KALRN: variants seen among roughly 807,000 people sequenced by gnomAD.
KALRN encodes kalirin RhoGEF kinase.
Under a neutral mutation model 353.7 loss-of-function variants are expected in KALRN, and 70 were observed. The observed-to-expected ratio is 0.20, with a 90% CI of 0.16 to 0.24. The LOEUF (loss-of-function observed/expected upper bound fraction) is 0.24. Among genes scored for constraint, KALRN ranks in the 10% least tolerant of loss-of-function variants. KALRN has a pLI of 1.00. For synonymous variants in KALRN, 1,391 were observed against 1,434.8 expected, an observed-to-expected ratio of 0.97 and a Z score of 0.69; for missense variants, 2,791 against 3,756.7, an observed-to-expected ratio of 0.74 and a Z score of 6.72.
At chr3:124,612,578 CTG>C (rs1185668833) in intron 34 of KALRN, among the ~76,000 whole-genome samples, 3 of 152,202 alleles carry the variant, frequency 2.0e-5, no homozygotes, top group Non-Finnish European at 4.4e-5. Context: ...CTCAGGTGAT[CTG>C]CCCGCCTCAT....
At chr3:124,266,779 A>G (rs1456729350) in intron 4 of KALRN, among the ~76,000 whole-genome samples, 2 of 152,240 alleles carry the variant, frequency 1.3e-5, no homozygotes, top group African/African-American at 2.4e-5. Context: ...TTGGCTTGGT[A>G]TAAAAACAGT....
intron 34 of KALRN, among the ~76,000 whole-genome samples, chr3:124,615,214 G>A (rs80177467): frequency 0.012 from 1,834 of 152,038 alleles, 63 homozygotes; most frequent in Admixed American, 0.049. Context: ...ATCATTTTTG[G>A]GATATTCCTA....
intron 58 of KALRN, among the ~76,000 whole-genome samples, chr3:124,715,661 G>C (rs1242155917): frequency 6.6e-6 from 1 of 152,238 alleles, no homozygotes; most frequent in African/African-American, 2.4e-5. Context: ...GTGGGAAGGA[G>C]CAAGCTAGAG....
intron 33 of KALRN, among the ~76,000 whole-genome samples, chr3:124,498,881 C>T (rs2064183073): frequency 6.6e-6 from 1 of 151,714 alleles, no homozygotes; most frequent in African/African-American, 2.4e-5. Context: ...GTCAGATTTT[C>T]CCCTGACTAT....
At chr3:124,115,569 A>G (rs1431223191) in intron 1 of KALRN, among the ~76,000 whole-genome samples, 1 of 152,192 alleles carries the variant, frequency 6.6e-6, no homozygotes, top group Non-Finnish European at 1.5e-5. Context: ...TCTTTCTGCC[A>G]CTGTCCGAGC....
At chr3:124,680,179 G>C (rs1323394008) in intron 51 of KALRN, among the ~76,000 whole-genome samples, 1 of 152,264 alleles carries the variant, frequency 6.6e-6, no homozygotes, top group Non-Finnish European at 1.5e-5. Context: ...GTCTCCTGGA[G>C]CCACGGCAGA....
chr3:124,421,349 G>T (rs1488007099), intron 14 of KALRN, among the ~76,000 whole-genome samples: 1 of 152,218 alleles, frequency 6.6e-6, no homozygotes, highest in African/African-American at 2.4e-5. Flanking sequence ...AAGGCAGAAA[G>T]TTGAAAGTTT....
intron 1 of KALRN, among the ~76,000 whole-genome samples, chr3:124,132,725 T>C (rs1408605721): frequency 6.6e-6 from 1 of 152,168 alleles, no homozygotes; most frequent in Non-Finnish European, 1.5e-5. Flanking sequence ...TTCTGGCTCC[T>C]TCATGGCTGT....
At chr3:124,126,858 G>A (rs2064740165) in intron 1 of KALRN, among the ~76,000 whole-genome samples, 1 of 152,192 alleles carries the variant, frequency 6.6e-6, no homozygotes, top group Non-Finnish European at 1.5e-5. Context: ...TTGTCCAAGA[G>A]TGCCTGGCAC....
In KALRN at chr3:124,717,435, C is replaced by T. The variant is rs776225923; in HGVS notation, c.8415+50C>T. 5.5e-6 allele frequency: 8 copies of T among 1,445,850 alleles called. No individual in the cohort carries two copies. The East Asian group carries it at 9.6e-5, about 17-fold the overall frequency. The allele number at this position is 1,445,850 out of a possible 1,614,324, so 89.6% of individuals were successfully genotyped here. ...GGCGCAGTGGCTCACGCCTGAAATC[C>T]CAGCACTTTGGGAGGCCAAGGTGGG... On this transcript the variant is annotated intron_variant, in intron 59 of 59. Transcript: ENST00000682506.
chr3:124,563,998 T>A (rs1453969765), intron 34 of KALRN, among the ~76,000 whole-genome samples: 2 of 124,186 alleles, frequency 1.6e-5, no homozygotes, highest in African/African-American at 6.5e-5. Flanking sequence ...AGAGCGAGAC[T>A]CTGTCTCAAA....
At chr3:124,040,332 G>A (rs898160836) in intron 1 of KALRN, among the ~76,000 whole-genome samples, 1 of 152,206 alleles carries the variant, frequency 6.6e-6, no homozygotes, top group Non-Finnish European at 1.5e-5. Flanking sequence ...GTATTTGATA[G>A]TTTACTGCTG....
chr3:124,717,296 A>T lies in KALRN; in HGVS notation c.8326A>T (p.Met2776Leu). 2 of 1,613,112 alleles carry T rather than the reference A, an allele frequency of 1.2e-6. No homozygotes were observed. Among genetic ancestry groups the T allele is most frequent in the East Asian group, 2.2e-5 (1 of 44,864 alleles). Residue 2776 changes from methionine (M) to leucine (L), a missense_variant, in exon 59 of 60, where the codon ATG becomes TTG. This residue lies in a region of KALRN where 188 missense variants were observed against 402.9 expected (regional missense o/e 0.47). Coordinates refer to ENST00000682506, the MANE Select transcript of KALRN (RefSeq NM_001388419.1). Reference protein sequence around the residue: ...LDYLMNHDELMEEKVAFYIRD... With the variant: ...LDYLMNHDELLEEKVAFYIRD... Reference sequence around the variant, plus strand: ...CTACCTTATGAATCATGATGAACTGATGGAGGAAAAAGTAGCTTTCTATAT... The same window carrying T: ...CTACCTTATGAATCATGATGAACTGTTGGAGGAAAAAGTAGCTTTCTATAT...
At chr3:124,633,495 C>A (rs1039591984) in intron 35 of KALRN, among the ~76,000 whole-genome samples, 1 of 152,188 alleles carries the variant, frequency 6.6e-6, no homozygotes, top group African/African-American at 2.4e-5. Context: ...CTGGAAATGG[C>A]AGCTAAGCCT....
chr3:124,625,499 T>A (rs990607149), intron 34 of KALRN, among the ~76,000 whole-genome samples: 17 of 151,506 alleles, frequency 1.1e-4, no homozygotes, highest in Non-Finnish European at 2.1e-4. Context: ...GGCAGGAGGA[T>A]CCCTTGAGCT....
rs142347045 is a variant in KALRN at position 124,288,289 on chromosome 3, G to A, written c.970-10502G>A. ...GTTTCCAAGAAAAAGAAGTCAGTAT[G>A]GGCTTATTTGGTCAAGAAAGGCATC... On this transcript the variant is annotated intron_variant, in intron 5 of 59. Transcript: ENST00000682506. Among the ~76,000 whole-genome samples the A allele has an allele frequency of 2.6e-5, 4 of 152,282 alleles. No individual in the cohort carries two copies. The East Asian group carries it at 7.7e-4, about 29-fold the overall frequency.
intron 1 of KALRN, among the ~76,000 whole-genome samples, chr3:124,136,232 A>C (rs1338642130): frequency 6.6e-6 from 1 of 152,068 alleles, no homozygotes; most frequent in Non-Finnish European, 1.5e-5. Context: ...CCCAGGGCCT[A>C]AGTCAGTGGA....
At chr3:124,074,096 G>T (rs2060148368) in intron 1 of KALRN, among the ~76,000 whole-genome samples, 1 of 152,016 alleles carries the variant, frequency 6.6e-6, no homozygotes, top group African/African-American at 2.4e-5. Context: ...GGATGGGATA[G>T]GTTACAAGGG....
chr3:124,165,596 G>C, intron 1 of KALRN, among the ~76,000 whole-genome samples: 1 of 152,132 alleles, frequency 6.6e-6, no homozygotes, highest in East Asian at 1.9e-4. Context: ...TTCTGTTGTA[G>C]CCTGGAATGC....
Sources: allele counts gnomAD v4.1 joint callset (sites outside exome capture counted in the v4.1 genomes callset), GRCh38; gene constraint gnomAD v4.1.1; regional missense constraint gnomAD v4.1.1; transcripts MANE v1.5; gene names NCBI Gene and HGNC (gene_info 2026-07-23, HGNC 2026-07-21).